KMT2E: variants seen among roughly 807,000 people sequenced by gnomAD.
KMT2E encodes the protein lysine methyltransferase 2E (inactive), also known as histone reader KMT2E.
A neutral mutation model predicts 184.6 loss-of-function variants in KMT2E; 30 were observed. That is an observed-to-expected ratio of 0.16 (90% CI 0.12 to 0.22). KMT2E has a LOEUF of 0.22. KMT2E is among the 10% of genes least tolerant of loss of function. The pLI, the probability that KMT2E is intolerant of heterozygous loss-of-function variation, is 1.00. For missense variants in KMT2E, 2,023 were observed against 2,237.4 expected (o/e 0.90, Z 1.93); for synonymous variants, 815 against 776.5 (o/e 1.05, Z -0.82).
intron 15 of KMT2E, chr7:105,091,595 T>C (rs1251186506): frequency 1.9e-6 from 1 of 521,188 alleles, no homozygotes; most frequent in African/African-American, 1.9e-5. Flanking sequence ...TATTAATAAA[T>C]TTTAATGCCA....
intron 1 of KMT2E, among the ~76,000 whole-genome samples, chr7:105,020,540 G>A (rs1794907438): frequency 6.6e-6 from 1 of 152,158 alleles, no homozygotes; most frequent in South Asian, 2.1e-4. Context: ...AGCTGAGATC[G>A]TGCCAGTGCA....
Position 105,074,718 on chromosome 7 carries a change from C to T in KMT2E, c.632C>T (p.Thr211Ile). The T allele has an allele frequency of 6.2e-7, 1 of 1,610,474 alleles. No individual in the cohort carries two copies. Among genetic ancestry groups the T allele is most frequent in the Non-Finnish European group, 8.5e-7 (1 of 1,178,292 alleles). ...TATACTGCATTTCAGCATACTCCAA[C>T]ATCAATTACTTTAACTGCTTCAAGA... Reference protein sequence around the residue: ...ELYTAFQHTPTSITLTASRVS... With the variant: ...ELYTAFQHTPISITLTASRVS... The change falls in exon 8 of 27, where the codon ACA becomes ATA. Residue 211 changes from threonine (T) to isoleucine (I), a missense_variant. Coordinates refer to ENST00000311117, the MANE Select transcript of KMT2E (RefSeq NM_182931.3).
chr7:105,071,586 A>G (rs1438265981), intron 6 of KMT2E, among the ~76,000 whole-genome samples: 40 of 43,684 alleles, frequency 9.2e-4, no homozygotes, highest in South Asian at 1.5e-3. Context: ...GTGTGTGTAT[A>G]TATATATATA....
intron 1 of KMT2E, among the ~76,000 whole-genome samples, chr7:105,037,512 A>G (rs1398600053): frequency 1.3e-5 from 2 of 151,990 alleles, no homozygotes; most frequent in Non-Finnish European, 2.9e-5. Flanking sequence ...ACAGGTGTGC[A>G]TCACCACATC....
chr7:105,079,829 C>CATT (rs111633846), intron 12 of KMT2E, among the ~76,000 whole-genome samples: 2,267 of 146,734 alleles, frequency 0.015, 23 homozygotes, highest in Non-Finnish European at 0.023. Flanking sequence ...CTTTTTAAAT[C>CATT]ATTATTATTA....
chr7:105,024,416 G>C (rs1429916490), intron 1 of KMT2E, among the ~76,000 whole-genome samples: 2 of 152,166 alleles, frequency 1.3e-5, no homozygotes, highest in East Asian at 3.8e-4. Context: ...TTTCAGGCCA[G>C]AACTCCCATC....
Position 105,045,317 on chromosome 7 carries a change from A to G in KMT2E, c.71+4294A>G, listed in dbSNP as rs572159461. ...TAAGTTGTGGTAAAATAGATACAACATTTATCGTGTTAACCATTTTTAAGT... is the reference window on the plus strand; with the variant it reads ...TAAGTTGTGGTAAAATAGATACAACGTTTATCGTGTTAACCATTTTTAAGT... On this transcript the variant is annotated intron_variant, in intron 3 of 26. Coordinates refer to ENST00000311117, the MANE Select transcript of KMT2E (RefSeq NM_182931.3). 3.9e-5 allele frequency among the ~76,000 whole-genome samples: 6 copies of G among 152,310 alleles called. No individual in the cohort carries two copies. The South Asian group carries it at 1.0e-3, about 26-fold the overall frequency.
At chr7:105,083,398 G>A (rs1412478250) in intron 13 of KMT2E, among the ~76,000 whole-genome samples, 3 of 151,184 alleles carry the variant, frequency 2.0e-5, no homozygotes, top group Admixed American at 1.3e-4. Flanking sequence ...TGGGTGGCCA[G>A]GGGCATTGCC....
chr7:105,066,944 C>T, intron 6 of KMT2E, 137 bp downstream of exon 6: 1 of 618,708 alleles, frequency 1.6e-6, no homozygotes, highest in East Asian at 2.9e-5. Context: ...GTAGTGCCAA[C>T]TACTTGGGAG....
chr7:105,109,350 C>A, intron 23 of KMT2E, 122 bp downstream of exon 23: 1 of 979,490 alleles, frequency 1.0e-6, no homozygotes, highest in Non-Finnish European at 1.5e-6. Context: ...TTAAAAGATT[C>A]TCTCTGCTAA....
At chr7:105,106,866 T>A in intron 20 of KMT2E, 94 bp downstream of exon 20, 1 of 1,209,870 alleles carries the variant, frequency 8.3e-7, no homozygotes. Flanking sequence ...ACTAGTGTGC[T>A]GAGAATACAA....
intron 26 of KMT2E, 36 bp from the exon 27 acceptor site, chr7:105,111,789 T>C (rs934462468): frequency 2.6e-6 from 4 of 1,561,920 alleles, no homozygotes; most frequent in Non-Finnish European, 2.6e-6. Flanking sequence ...ACACAAAATG[T>C]TCCTTGAATG....
At chr7:105,017,756 A>G (rs1794778236) in intron 1 of KMT2E, among the ~76,000 whole-genome samples, 1 of 152,102 alleles carries the variant, frequency 6.6e-6, no homozygotes, top group Non-Finnish European at 1.5e-5. Flanking sequence ...CTATAATGTA[A>G]TTGGAGAGTT....
chr7:105,067,566 T>G (rs1476659933), intron 6 of KMT2E, among the ~76,000 whole-genome samples: 1 of 152,228 alleles, frequency 6.6e-6, no homozygotes, highest in Non-Finnish European at 1.5e-5. Context: ...TTACATGTTG[T>G]TTTAAGGCAA....
At chr7:105,017,289 T>C (rs1397563834) in intron 1 of KMT2E, among the ~76,000 whole-genome samples, 2 of 152,180 alleles carry the variant, frequency 1.3e-5, no homozygotes, top group Non-Finnish European at 2.9e-5. Flanking sequence ...ATTGAACTTA[T>C]TTGGCTTCAA....
intron 13 of KMT2E, among the ~76,000 whole-genome samples, chr7:105,087,359 C>G (rs908471632): frequency 4.1e-5 from 6 of 147,190 alleles, no homozygotes; most frequent in African/African-American, 1.5e-4. Flanking sequence ...AATGGCATCT[C>G]TTTATATTAA....
intron 15 of KMT2E, 104 bp downstream of exon 15, chr7:105,091,418 A>C: frequency 1.4e-6 from 1 of 732,536 alleles, no homozygotes; most frequent in Admixed American, 2.1e-5. Context: ...GAAGTTAGCG[A>C]ATGATGTGCC....
At position 105,102,037 on chromosome 7, in the gene KMT2E, C is replaced by T. The variant is rs778267556; in HGVS notation, c.2039C>T (p.Ser680Phe). The T allele has an allele frequency of 6.8e-6, 11 of 1,613,958 alleles. No individual in the cohort carries two copies. The highest frequency in any genetic ancestry group is 9.3e-6 in the Non-Finnish European group (11 of 1,179,876). ...AGCATGTGTTCAGATATCCAGCCATCTTCTCCTGATATAGAAGTTACTTCA... is the reference window on the plus strand; with the variant it reads ...AGCATGTGTTCAGATATCCAGCCATTTTCTCCTGATATAGAAGTTACTTCA... ...TVSMCSDIQP[S>F]SPDIEVTSQQ... Residue 680 changes from serine to phenylalanine, a missense_variant, in exon 17 of 27, where the codon TCT becomes TTT. Around this residue, in one of 8 missense-constraint regions of KMT2E, gnomAD observed 514 missense variants for 621.8 expected, o/e 0.83. Transcript: ENST00000311117.
intron 17 of KMT2E, chr7:105,104,244 A>G (rs1798794993): frequency 6.6e-6 from 1 of 152,196 alleles, no homozygotes; most frequent in South Asian, 2.1e-4. Context: ...GGTCAGGTAT[A>G]TTCATATAGC....
Sources: allele counts gnomAD v4.1 joint callset (sites outside exome capture counted in the v4.1 genomes callset), GRCh38; gene constraint gnomAD v4.1.1; regional missense constraint gnomAD v4.1.1; transcripts MANE v1.5; gene names NCBI Gene and HGNC (gene_info 2026-07-23, HGNC 2026-07-21).